XXYLT1: variants seen among roughly 807,000 people sequenced by gnomAD.
The protein encoded by XXYLT1 is UDP-xylose:alpha-xyloside alpha-1,3-xylosyltransferase.
In XXYLT1, 20 loss-of-function variants were observed where a neutral mutation model predicts 28.9. That is an observed-to-expected ratio of 0.69 (90% CI 0.49 to 1.00). The LOEUF (loss-of-function observed/expected upper bound fraction) is 1.00, where lower values mean the gene tolerates loss of function less well. XXYLT1 is among the 50% of genes least tolerant of loss of function. The pLI, the probability that XXYLT1 is intolerant of heterozygous loss-of-function variation, is 0.00. For synonymous variants in XXYLT1, 257 were observed against 253.8 expected (o/e 1.01, Z -0.12); for missense variants, 542 against 560.1 (o/e 0.97, Z 0.33).
Position 195,096,425 on chromosome 3 carries a change from G to A in XXYLT1, c.786-26314C>T, listed in dbSNP as rs116469284. ...CCAACACACACACGTATATATACACGACCATGCCCATGTGCACTTACATAA... is the reference window on the plus strand; with the variant it reads ...CCAACACACACACGTATATATACACAACCATGCCCATGTGCACTTACATAA... On this transcript the variant is annotated intron_variant, in intron 3 of 3. Coordinates refer to ENST00000310380, the MANE Select transcript of XXYLT1 (RefSeq NM_152531.5). Among the ~76,000 whole-genome samples, 608 of 152,238 alleles carry A rather than the reference G, an allele frequency of 4.0e-3. 4 individuals carry two copies. Among genetic ancestry groups the A allele is most frequent in the African/African-American group, 0.014 (585 of 41,530 alleles).
chr3:195,246,381 G>A (rs1725024881), intron 1 of XXYLT1, among the ~76,000 whole-genome samples: 1 of 152,138 alleles, frequency 6.6e-6, no homozygotes, highest in Admixed American at 6.5e-5. Context: ...ATGGCAAGAG[G>A]GTCTTTGGCA....
At chr3:195,249,385 A>G (rs942543360) in intron 1 of XXYLT1, among the ~76,000 whole-genome samples, 2 of 152,234 alleles carry the variant, frequency 1.3e-5, no homozygotes, top group Non-Finnish European at 2.9e-5. Context: ...GGCTCACATC[A>G]GCACACAATG....
chr3:195,243,122 A>C (rs984033579), intron 1 of XXYLT1, among the ~76,000 whole-genome samples: 6 of 152,136 alleles, frequency 3.9e-5, no homozygotes, highest in Admixed American at 3.9e-4. Context: ...AGAAAACCAA[A>C]CACCACATGT....
chr3:195,119,239 G>A (rs1392230759), intron 3 of XXYLT1, among the ~76,000 whole-genome samples: 1 of 148,116 alleles, frequency 6.8e-6, no homozygotes, highest in Non-Finnish European at 1.5e-5. Flanking sequence ...AGCCGAGATT[G>A]CGCCATTGCA....
intron 1 of XXYLT1, among the ~76,000 whole-genome samples, chr3:195,267,732 T>A (rs1295879110): frequency 2.0e-5 from 3 of 152,002 alleles, no homozygotes; most frequent in Admixed American, 1.3e-4. Context: ...AGTTTGAAAG[T>A]GTGTAATGGG....
intron 3 of XXYLT1, among the ~76,000 whole-genome samples, chr3:195,098,542 G>C (rs1716586982): frequency 6.6e-6 from 1 of 152,210 alleles, no homozygotes; most frequent in Non-Finnish European, 1.5e-5. Context: ...GACAGAGAGA[G>C]AGACTGTCTC....
chr3:195,193,256 C>T (rs1431287973), intron 2 of XXYLT1, among the ~76,000 whole-genome samples: 6 of 150,538 alleles, frequency 4.0e-5, no homozygotes, highest in African/African-American at 1.2e-4. Flanking sequence ...CCACTGCACT[C>T]CAGCCTGTGC....
intron 3 of XXYLT1, chr3:195,095,930 C>G (rs1248081328): frequency 6.6e-6 from 1 of 152,200 alleles, no homozygotes; most frequent in East Asian, 1.9e-4. Flanking sequence ...CCCACAGGAA[C>G]TCAAGCAGCT....
intron 1 of XXYLT1, among the ~76,000 whole-genome samples, chr3:195,243,163 G>C (rs193213300): frequency 4.5e-4 from 68 of 151,880 alleles, no homozygotes; most frequent in African/African-American, 1.4e-3. Flanking sequence ...TGAACAATGA[G>C]AACACTTGGA....
At chr3:195,080,139 G>C (rs1304155352) in intron 3 of XXYLT1, among the ~76,000 whole-genome samples, 1 of 152,194 alleles carries the variant, frequency 6.6e-6, no homozygotes, top group Admixed American at 6.5e-5. Context: ...CCAGTCACTA[G>C]AGGGAAGTGA....
intron 3 of XXYLT1, among the ~76,000 whole-genome samples, chr3:195,141,119 A>T (rs1719466103): frequency 6.6e-6 from 1 of 152,172 alleles, no homozygotes; most frequent in Non-Finnish European, 1.5e-5. Flanking sequence ...CAGCCTAAAG[A>T]ACTGTGAGCA....
chr3:195,081,694 T>A (rs568996472), intron 3 of XXYLT1, among the ~76,000 whole-genome samples: 1 of 152,226 alleles, frequency 6.6e-6, no homozygotes, highest in African/African-American at 2.4e-5. Flanking sequence ...TGTTATGAGG[T>A]AATGCAAGTA....
intron 2 of XXYLT1, among the ~76,000 whole-genome samples, chr3:195,183,923 G>A (rs570898853): frequency 1.3e-5 from 2 of 152,338 alleles, no homozygotes; most frequent in East Asian, 3.9e-4. Context: ...GATCCACTTG[G>A]CTGCCCTAGA....
chr3:195,157,727 G>A (rs903873419), intron 2 of XXYLT1, among the ~76,000 whole-genome samples: 4 of 152,210 alleles, frequency 2.6e-5, no homozygotes, highest in Non-Finnish European at 5.9e-5. Flanking sequence ...TGAAATGGAA[G>A]AGCAGCTGTG....
intron 2 of XXYLT1, among the ~76,000 whole-genome samples, chr3:195,202,843 TTC>T (rs1164531389): frequency 5.9e-5 from 9 of 152,250 alleles, no homozygotes; most frequent in Admixed American, 2.0e-4. Flanking sequence ...AGTAGTTCAT[TTC>T]TCTGTTAGCA....
At position 195,233,542 on chromosome 3, in the gene XXYLT1, T is replaced by C. The variant is rs149929655; in HGVS notation, c.505-6686A>G. Among the ~76,000 whole-genome samples the C allele has an allele frequency of 7.3e-3, 1,119 of 152,282 alleles. 12 individuals are homozygous for C. Among genetic ancestry groups the C allele is most frequent in the Middle Eastern group, 0.014 (4 of 294 alleles). ...TTTTAGACTTGAGGTTGCCATGAGA[T>C]TTGCAAATAATATTTTATAACACAT... On this transcript the variant is annotated intron_variant, in intron 1 of 3. Coordinates refer to ENST00000310380, the MANE Select transcript of XXYLT1 (RefSeq NM_152531.5).
intron 3 of XXYLT1, chr3:195,122,208 C>T: frequency 1.4e-6 from 1 of 702,418 alleles, no homozygotes; most frequent in Non-Finnish European, 2.6e-6. Context: ...CCTAATCACT[C>T]TCCAAAGGCC....
intron 1 of XXYLT1, among the ~76,000 whole-genome samples, chr3:195,253,129 A>C (rs1157309764): frequency 6.6e-6 from 1 of 152,180 alleles, no homozygotes; most frequent in African/African-American, 2.4e-5. Context: ...CTTTTCTCCA[A>C]GCACTTTCTC....
rs1045359430 is a variant in XXYLT1, at chr3:195,170,013, G to A, written c.653-13432C>T. ...TCCAAGTAGCTGGGATTTCATGCCCGGCTAATTTTGTATTTTTAGTAGAGA... is the reference window on the plus strand; with the variant it reads ...TCCAAGTAGCTGGGATTTCATGCCCAGCTAATTTTGTATTTTTAGTAGAGA... On this transcript the variant is annotated intron_variant, in intron 2 of 3. Transcript: ENST00000310380. Among the ~76,000 whole-genome samples, 17 of 151,158 alleles carry A rather than the reference G, an allele frequency of 1.1e-4. 1 individual carries two copies. The highest frequency in any genetic ancestry group is 9.9e-4 in the Admixed American group (15 of 15,218).
Sources: allele counts gnomAD v4.1 joint callset (sites outside exome capture counted in the v4.1 genomes callset), GRCh38; gene constraint gnomAD v4.1.1; transcripts MANE v1.5; gene names NCBI Gene and HGNC (gene_info 2026-07-23, HGNC 2026-07-21).